Variants in ASTN2 observed in about 807,000 individuals in gnomAD.
ASTN2 encodes astrotactin-2.
Under a neutral mutation model 139.8 loss-of-function variants are expected in ASTN2, and 54 were observed. That is an observed-to-expected ratio of 0.39 (90% CI 0.31 to 0.48). The LOEUF is 0.48. Among genes scored for constraint, ASTN2 ranks in the 20% least tolerant of loss-of-function variants. The pLI, the probability that ASTN2 is intolerant of heterozygous loss-of-function variation, is 0.95. For missense variants in ASTN2, 1,565 were observed against 1,725.1 expected (o/e 0.91, Z 1.64); for synonymous variants, 756 against 719.5 (o/e 1.05, Z -0.81).
At chr9:117,003,556 T>TGTGTGTGTGTGTGTG (rs1412820236) in intron 7 of ASTN2, among the ~76,000 whole-genome samples, 31 of 147,028 alleles carry the variant, frequency 2.1e-4, no homozygotes, top group Non-Finnish European at 2.6e-4. Flanking sequence ...TGTGTGTGTA[T>TGTGTGTGTGTGTGTG]TTAAATCTAG....
intron 17 of ASTN2, among the ~76,000 whole-genome samples, chr9:116,632,241 G>GA (rs1856829259): frequency 7.3e-6 from 1 of 137,368 alleles, no homozygotes; most frequent in Non-Finnish European, 1.6e-5. Context: ...AAGAAAGAAA[G>GA]AAAGAAAGAA....
chr9:117,267,099 C>A (rs1035753904), intron 2 of ASTN2, among the ~76,000 whole-genome samples: 3 of 152,196 alleles, frequency 2.0e-5, no homozygotes, highest in African/African-American at 7.2e-5. Flanking sequence ...AAGAGCACTT[C>A]ATCTTTGTGG....
chr9:116,820,743 C>A lies in ASTN2; in HGVS notation c.2081G>T (p.Cys694Phe). 1 of 1,614,156 alleles carries A rather than the reference C, an allele frequency of 6.2e-7. No individual in the cohort carries two copies. Among genetic ancestry groups the A allele is most frequent in the Non-Finnish European group, 8.5e-7 (1 of 1,180,008 alleles). ...GTCAATGCCTTTGGAGTGGTCGTAG[C>A]AGCCAGAGCCATCCTTCATGGGTTT... Reference protein sequence around the residue: ...ELKPMKDGSGCYDHSKGIDCS... With the variant: ...ELKPMKDGSGFYDHSKGIDCS... The change falls in exon 12 of 23, where the codon TGC (cysteine) becomes TTC (phenylalanine). Residue 694 changes from cysteine to phenylalanine, a missense_variant. Cys to Phe is a radical substitution (Grantham distance 205). Transcript: ENST00000313400.
chr9:117,139,962 C>T (rs1436663802), intron 4 of ASTN2, among the ~76,000 whole-genome samples: 4 of 152,176 alleles, frequency 2.6e-5, no homozygotes, highest in Non-Finnish European at 5.9e-5. Context: ...AGGTTTGAGA[C>T]TCAGACTGCC....
chr9:116,869,768 A>G (rs184959950), intron 10 of ASTN2, among the ~76,000 whole-genome samples: 3 of 152,222 alleles, frequency 2.0e-5, no homozygotes, highest in Non-Finnish European at 4.4e-5. Context: ...ACAAACAATC[A>G]TAGACAATAT....
At chr9:117,127,672 GTTTTTTTTTTTT>G (rs11427891) in intron 4 of ASTN2, among the ~76,000 whole-genome samples, 9 of 70,898 alleles carry the variant, frequency 1.3e-4, no homozygotes, top group Non-Finnish European at 2.0e-4. Flanking sequence ...TTTTGTTTTG[GTTTTTTTTTTTT>G]TTTTTTTTTT....
chr9:117,127,008 C>T (rs2132827204), intron 4 of ASTN2, among the ~76,000 whole-genome samples: 1 of 152,276 alleles, frequency 6.6e-6, no homozygotes, highest in South Asian at 2.1e-4. Flanking sequence ...TTAGTCACAG[C>T]AGCCCTAAAG....
chr9:117,009,093 C>T (rs1309846455), intron 6 of ASTN2, among the ~76,000 whole-genome samples: 1 of 152,118 alleles, frequency 6.6e-6, no homozygotes, highest in African/African-American at 2.4e-5. Context: ...AATGGAGCAG[C>T]TATGACTCAG....
At chr9:116,856,565 A>G (rs902639252) in intron 11 of ASTN2, among the ~76,000 whole-genome samples, 3 of 152,168 alleles carry the variant, frequency 2.0e-5, no homozygotes, top group Non-Finnish European at 4.4e-5. Flanking sequence ...TCTCTCCCCT[A>G]CTGAACCAGA....
At chr9:116,453,312 C>T (rs1588073252) in intron 20 of ASTN2, among the ~76,000 whole-genome samples, 1 of 152,048 alleles carries the variant, frequency 6.6e-6, no homozygotes, top group Non-Finnish European at 1.5e-5. Context: ...GAATGAATAG[C>T]GCTGGGCGTG....
intron 6 of ASTN2, among the ~76,000 whole-genome samples, chr9:117,026,514 C>T (rs886488675): frequency 2.0e-5 from 3 of 152,116 alleles, no homozygotes; most frequent in Non-Finnish European, 2.9e-5. Context: ...TCATCTTTGA[C>T]TCTTCCTCTT....
At chr9:116,918,757 T>C (rs1411675364) in intron 10 of ASTN2, among the ~76,000 whole-genome samples, 1 of 152,192 alleles carries the variant, frequency 6.6e-6, no homozygotes, top group Non-Finnish European at 1.5e-5. Flanking sequence ...TGCTTAGGTT[T>C]AATAGGAAGC....
intron 5 of ASTN2, among the ~76,000 whole-genome samples, chr9:117,057,954 T>A (rs148979993): frequency 2.6e-5 from 4 of 152,318 alleles, no homozygotes; most frequent in Non-Finnish European, 4.4e-5. Flanking sequence ...CCCTCCCACC[T>A]CTCTTTCTTC....
At chr9:116,713,142 C>G (rs1356594867) in intron 16 of ASTN2, among the ~76,000 whole-genome samples, 8 of 152,136 alleles carry the variant, frequency 5.3e-5, no homozygotes, top group Admixed American at 3.9e-4. Flanking sequence ...AATTATTTTT[C>G]TTCTCCATGG....
chr9:116,607,673 ACACACACAC>A (rs1564149429), intron 19 of ASTN2, among the ~76,000 whole-genome samples: 900 of 7,264 alleles, frequency 0.12, 4 homozygotes, highest in Non-Finnish European at 0.15. Context: ...AGAAATTAAC[ACACACACAC>A]ACACACACAC....
chr9:117,326,666 G>A (rs760482470), intron 1 of ASTN2, among the ~76,000 whole-genome samples: 1 of 152,124 alleles, frequency 6.6e-6, no homozygotes, highest in Non-Finnish European at 1.5e-5. Context: ...TTGGGGATAC[G>A]AACACAGTCC....
intron 16 of ASTN2, among the ~76,000 whole-genome samples, chr9:116,654,478 G>A (rs1858098402): frequency 6.6e-6 from 1 of 152,144 alleles, no homozygotes; most frequent in South Asian, 2.1e-4. Flanking sequence ...GGAATCAAAT[G>A]CACCATCAAT....
intron 1 of ASTN2, among the ~76,000 whole-genome samples, chr9:117,321,466 G>T (rs941681646): frequency 1.3e-5 from 2 of 152,104 alleles, no homozygotes; most frequent in African/African-American, 4.8e-5. Context: ...ACCATTCTTT[G>T]CTAAACAACT....
intron 5 of ASTN2, among the ~76,000 whole-genome samples, chr9:117,093,858 G>A (rs780129041): frequency 1.1e-4 from 16 of 151,956 alleles, no homozygotes; most frequent in Non-Finnish European, 2.4e-4. Context: ...AAAAGCGTAG[G>A]GTAATTCATG....
Sources: gnomAD v4.1 joint callset for allele counts (sites outside exome capture counted in the v4.1 genomes callset) on GRCh38, gnomAD v4.1.1 for gene constraint, MANE v1.5 for transcripts, NCBI Gene and HGNC (gene_info 2026-07-23, HGNC 2026-07-21) for gene names.